Variants in SMARCAL1 observed in about 807,000 individuals in gnomAD.
SMARCAL1 encodes ATP-driven annealing helicase.
A neutral mutation model predicts 94.5 loss-of-function variants in SMARCAL1; 58 were observed. The observed-to-expected ratio is 0.61, with a 90% CI of 0.50 to 0.76. The LOEUF is 0.76. Ranked by LOEUF, SMARCAL1 falls within the 30% of genes least tolerant of loss-of-function variation. The pLI is 0.00. For missense variants in SMARCAL1, 1,051 were observed against 1,177.9 expected (o/e 0.89, Z 1.58); for synonymous variants, 422 against 455.1 (o/e 0.93, Z 0.93).
chr2:216,428,119 A>T (rs910438158), intron 6 of SMARCAL1, among the ~76,000 whole-genome samples: 1 of 152,218 alleles, frequency 6.6e-6, no homozygotes, highest in East Asian at 1.9e-4. Flanking sequence ...AGGGAAGAAC[A>T]TCCTGAAAGT....
chr2:216,433,310 C>T (rs980912961), intron 8 of SMARCAL1, among the ~76,000 whole-genome samples: 7 of 152,088 alleles, frequency 4.6e-5, no homozygotes, highest in African/African-American at 1.7e-4. Context: ...TCCCAAACTC[C>T]TGGGTTCAAG....
intron 12 of SMARCAL1, chr2:216,451,554 A>G (rs1694449414): frequency 5.7e-6 from 1 of 176,896 alleles, no homozygotes; most frequent in Admixed American, 5.5e-5. Context: ...AATCCCTATT[A>G]CAGGCATTTA....
At chr2:216,454,928 G>A (rs1039401890) in intron 12 of SMARCAL1, among the ~76,000 whole-genome samples, 17 of 152,208 alleles carry the variant, frequency 1.1e-4, no homozygotes, top group Non-Finnish European at 2.2e-4. Context: ...AAGCGCAAGG[G>A]GTCAGGGAAT....
Position 216,432,788 on chromosome 2 carries a change from A to G in SMARCAL1, c.1405A>G (p.Ile469Val). Residue 469 changes from isoleucine (I) to valine (V), a missense_variant, in exon 8 of 18, where the codon ATC becomes GTC. Physicochemically the swap from Ile to Val is conservative, Grantham distance 29. Around this residue, in one of 3 missense-constraint regions of SMARCAL1, gnomAD observed 642 missense variants for 754.7 expected, o/e 0.85. Transcript: ENST00000357276. ...DMGLGKTIQAICIAAFYRKEW... is the reference protein window; with the variant it reads ...DMGLGKTIQAVCIAAFYRKEW... ...GGGCCTGGGGAAGACCATCCAAGCCATCTGCATCGCAGCCTTTTACCGGAA... is the reference window on the plus strand; with the variant it reads ...GGGCCTGGGGAAGACCATCCAAGCCGTCTGCATCGCAGCCTTTTACCGGAA... 6.2e-7 allele frequency: 1 copy of G among 1,614,210 alleles called. No individual in the cohort carries two copies. Among genetic ancestry groups the G allele is most frequent in the Non-Finnish European group, 8.5e-7 (1 of 1,180,038 alleles).
At chr2:216,466,051 A>G (rs1429411816) in intron 13 of SMARCAL1, among the ~76,000 whole-genome samples, 2 of 152,076 alleles carry the variant, frequency 1.3e-5, no homozygotes, top group African/African-American at 4.8e-5. Flanking sequence ...TCCCAGAAAC[A>G]CATCTGAGTT....
intron 6 of SMARCAL1, among the ~76,000 whole-genome samples, chr2:216,424,668 A>G (rs1693792765): frequency 6.6e-6 from 1 of 150,702 alleles, no homozygotes; most frequent in Admixed American, 6.6e-5. Flanking sequence ...TCTGGGTCCC[A>G]TTGTCCCTTT....
At chr2:216,457,743 C>A (rs1321331211) in intron 12 of SMARCAL1, among the ~76,000 whole-genome samples, 2 of 152,108 alleles carry the variant, frequency 1.3e-5, no homozygotes, top group Non-Finnish European at 2.9e-5. Context: ...CAGGAAAGAT[C>A]TAAAATTGAC....
intron 7 of SMARCAL1, among the ~76,000 whole-genome samples, chr2:216,431,061 G>A (rs1315398451): frequency 6.6e-6 from 1 of 152,218 alleles, no homozygotes; most frequent in Non-Finnish European, 1.5e-5. Context: ...GGGAAGGGCT[G>A]CCCCCTCTCC....
intron 14 of SMARCAL1, among the ~76,000 whole-genome samples, chr2:216,469,680 T>C (rs1291879169): frequency 6.6e-6 from 1 of 152,200 alleles, no homozygotes; most frequent in Non-Finnish European, 1.5e-5. Flanking sequence ...TTATAGTAGG[T>C]GTATGTTTGT....
At chr2:216,430,907 G>A (rs1693947778) in intron 7 of SMARCAL1, among the ~76,000 whole-genome samples, 1 of 152,236 alleles carries the variant, frequency 6.6e-6, no homozygotes, top group Non-Finnish European at 1.5e-5. Flanking sequence ...TCTGTGTTGT[G>A]GGTTGATCCC....
intron 12 of SMARCAL1, among the ~76,000 whole-genome samples, chr2:216,462,461 G>A (rs1262568702): frequency 1.3e-5 from 2 of 152,128 alleles, no homozygotes; most frequent in Non-Finnish European, 2.9e-5. Flanking sequence ...CCTGGGGACC[G>A]TTAGACGTCC....
At chr2:216,472,329 T>G (rs979430266) in intron 14 of SMARCAL1, among the ~76,000 whole-genome samples, 1 of 152,110 alleles carries the variant, frequency 6.6e-6, no homozygotes, top group African/African-American at 2.4e-5. Context: ...TACTGCAGCC[T>G]GGGTGAGAGA....
At position 216,482,967 on chromosome 2, in the gene SMARCAL1, C is replaced by T. The variant is rs773963217; in HGVS notation, c.2855C>T (p.Ser952Phe). The T allele has an allele frequency of 6.2e-7, 1 of 1,613,960 alleles. No homozygotes were observed. The highest frequency in any genetic ancestry group is 1.1e-5 in the South Asian group (1 of 91,030). Reference sequence around the variant, plus strand: ...TTTGATAACTGGGACAGCTTTACGTCTCCCCTGTAAAAGGGGCAAAAAGAA... The same window carrying T: ...TTTGATAACTGGGACAGCTTTACGTTTCCCCTGTAAAAGGGGCAAAAAGAA... Reference protein sequence around the residue: ...EFFDNWDSFTSPL With the variant: ...EFFDNWDSFTFPL Residue 952 changes from serine to phenylalanine, a missense_variant, in exon 18 of 18, where the codon TCT becomes TTT. By Grantham distance (155) the Ser-to-Phe change is radical. Around this residue, in one of 3 missense-constraint regions of SMARCAL1, gnomAD observed 642 missense variants for 754.7 expected, o/e 0.85. Transcript: ENST00000357276. This position sits in a 1 kb window ranked among gnomAD's most constrained non-coding sequence, Gnocchi z 4.3.
At chr2:216,458,044 T>G (rs1694611003) in intron 12 of SMARCAL1, among the ~76,000 whole-genome samples, 1 of 152,136 alleles carries the variant, frequency 6.6e-6, no homozygotes, top group Non-Finnish European at 1.5e-5. Context: ...CCATCAGAGA[T>G]ATTATAAACA....
intron 7 of SMARCAL1, among the ~76,000 whole-genome samples, chr2:216,429,397 G>T (rs1693912064): frequency 1.3e-5 from 2 of 152,176 alleles, no homozygotes; most frequent in South Asian, 4.1e-4. Context: ...AAAGTGGGAG[G>T]TGGCAGTTCT....
intron 7 of SMARCAL1, among the ~76,000 whole-genome samples, chr2:216,429,804 T>A (rs1452181633): frequency 2.0e-5 from 3 of 152,060 alleles, no homozygotes; most frequent in Non-Finnish European, 4.4e-5. Flanking sequence ...GCCCCAGCCC[T>A]TCCCCCTAAT....
At position 216,447,068 on chromosome 2, in the gene SMARCAL1, C is replaced by G. The variant is rs781340148; in HGVS notation, c.1761C>G (p.Pro587=). ...LLSGTPAMSR[P]AELYTQIIAV... is the part of the protein sequence containing the mutation. ...CGGGCACACCAGCCATGTCCCGGCC[C>G]GCAGAGCTCTACACGCAGATCATCG... The change falls in exon 11 of 18, where the codon CCC becomes CCG. Residue 587 remains proline, a synonymous_variant. Coordinates refer to ENST00000357276, the MANE Select transcript of SMARCAL1 (RefSeq NM_014140.4). 6.2e-7 allele frequency: 1 copy of G among 1,614,006 alleles called. No individual in the cohort carries two copies.
intron 9 of SMARCAL1, among the ~76,000 whole-genome samples, chr2:216,436,018 G>C (rs1056306350): frequency 6.6e-6 from 1 of 152,208 alleles, no homozygotes; most frequent in Non-Finnish European, 1.5e-5. Context: ...ACCCAGGCTG[G>C]AGTGCAGTGG....
rs886043060 is a variant in SMARCAL1, at chr2:216,415,514, T to C, written c.810T>C (p.Tyr270=). 6.2e-7 allele frequency: 1 copy of C among 1,608,552 alleles called. No individual in the cohort carries two copies. The highest frequency in any genetic ancestry group is 8.5e-7 in the Non-Finnish European group (1 of 1,177,084). Residue 270 remains tyrosine, a splice_region_variant and synonymous_variant, in exon 3 of 18, where the codon TAT becomes TAC. Coordinates refer to ENST00000357276, the MANE Select transcript of SMARCAL1 (RefSeq NM_014140.4). Reference sequence around the variant, plus strand: ...TTAAGACCCTGCCCAGCAAGAATTATGGTAATGTCTTCATTTTTCAGCTGT... The same window carrying C: ...TTAAGACCCTGCCCAGCAAGAATTACGGTAATGTCTTCATTTTTCAGCTGT... ...AVFKTLPSKN[Y]DPDTKTWNFS...
Sources: allele counts gnomAD v4.1 joint callset (sites outside exome capture counted in the v4.1 genomes callset), GRCh38; gene constraint gnomAD v4.1.1; regional missense constraint gnomAD v4.1.1; non-coding constraint Gnocchi (gnomAD v3.1); transcripts MANE v1.5; gene names NCBI Gene and HGNC (gene_info 2026-07-23, HGNC 2026-07-21).